COPS9: variants seen among roughly 807,000 people sequenced by gnomAD.
COPS9 encodes COP9 signalosome complex subunit 9.
In COPS9, 8 loss-of-function variants were observed where a neutral mutation model predicts 7.2. That is an observed-to-expected ratio of 1.11 (90% CI 0.65 to 2.00). COPS9 has a LOEUF of 2.00. Ranked by LOEUF, COPS9 falls within the 30% of genes most tolerant of loss-of-function variation. The probability of loss-of-function intolerance (pLI) is 0.00; values close to 1 mark genes in which losing one functional copy is unlikely to be tolerated. For synonymous variants in COPS9, 39 were observed against 28.7 expected, an observed-to-expected ratio of 1.36 and a Z score of -1.14; for missense variants, 74 against 77.7, an observed-to-expected ratio of 0.95 and a Z score of 0.18.
At chr2:240,126,550 A>G (rs1231328352), downstream of COPS9, 2 of 1,606,684 alleles carry the variant, frequency 1.2e-6, no homozygotes, top group Non-Finnish European at 1.7e-6. Flanking sequence ...GGAAACACAC[A>G]CCTCTCTGCA....
chr2:240,136,326 C>A, upstream of COPS9: 1 of 1,523,370 alleles, frequency 6.6e-7, no homozygotes. Flanking sequence ...GGCCTCAGAG[C>A]CGCTTCCGGC....
downstream of COPS9, among the ~76,000 whole-genome samples, chr2:240,129,038 T>C (rs1486259222): frequency 6.6e-6 from 1 of 152,130 alleles, no homozygotes; most frequent in Non-Finnish European, 1.5e-5. Context: ...CTAGAAGGGG[T>C]GTGCCCATCT....
At chr2:240,126,846 C>G, downstream of COPS9, 1 of 1,614,228 alleles carries the variant, frequency 6.2e-7, no homozygotes, top group Non-Finnish European at 8.5e-7. Flanking sequence ...TTCTCTGCAT[C>G]TGGTAAACAT....
chr2:240,126,647 T>C (rs779740152), downstream of COPS9: 7 of 1,614,218 alleles, frequency 4.3e-6, no homozygotes, highest in East Asian at 6.7e-5. Context: ...TCTTAAAACA[T>C]TTACCCCTCC....
chr2:240,134,186 CA>C, intron 1 of COPS9, 181 bp from the exon 2 acceptor site: 1 of 593,196 alleles, frequency 1.7e-6, no homozygotes, highest in South Asian at 2.1e-5. Flanking sequence ...GGGAGGAATT[CA>C]AAGGAATGAT....
At position 240,136,287 on chromosome 2, in the gene COPS9, CG is replaced by C; in HGVS notation, c.-4del. The C allele has an allele frequency of 6.4e-7, 1 of 1,563,854 alleles. No homozygotes were observed. Among genetic ancestry groups the C allele is most frequent in the Non-Finnish European group, 8.6e-7 (1 of 1,159,000 alleles). The stretch of plus-strand genomic sequence containing the variant: ...ATCTCGTCCACCGCCGGCTTCATCT[CG>C]GGGCCGCGGCGCTCTAGGCTCACTT... On this transcript the variant is annotated 5_prime_UTR_variant, in exon 1 of 3. Transcript: ENST00000607357.
In COPS9 at chr2:240,132,050, C is replaced by T. The variant is rs74682907; in HGVS notation, c.137-962G>A. On this transcript the variant is annotated intron_variant, in intron 2 of 2. Coordinates refer to ENST00000607357, the MANE Select transcript of COPS9 (RefSeq NM_001163424.2). This position sits in a 1 kb window ranked among gnomAD's most constrained non-coding sequence, Gnocchi z 4.1. ...GCTGGTTGTGGTTCGCCGCTAGGAGCACTTTTGCGCAGTCCTGGGCCTGGC... is the reference window on the plus strand; with the variant it reads ...GCTGGTTGTGGTTCGCCGCTAGGAGTACTTTTGCGCAGTCCTGGGCCTGGC... Among the ~76,000 whole-genome samples, 2,345 of 152,312 alleles carry T rather than the reference C, an allele frequency of 0.015. 41 individuals are homozygous for T. Among genetic ancestry groups the T allele is most frequent in the East Asian group, 0.087 (451 of 5,158 alleles).
chr2:240,131,088 T>C lies in COPS9; in HGVS notation c.137A>G (p.Asp46Gly). Reference protein sequence around the residue: ...EKAVHADFFNDFEDLFDDDDI... With the variant: ...EKAVHADFFNGFEDLFDDDDI... ...ATCATCATCAAAAAGATCTTCAAAA[T>C]CTAGGGAAATAAGCAAAACCACGTA... Residue 46 changes from aspartate (D) to glycine (G), a missense_variant and splice_region_variant, in exon 3 of 3, where the codon GAT becomes GGT. By Grantham distance (94) the Asp-to-Gly change is moderately conservative. Transcript: ENST00000607357. The C allele has an allele frequency of 6.2e-7, 1 of 1,612,476 alleles. No homozygotes were observed. Among genetic ancestry groups the C allele is most frequent in the South Asian group, 1.1e-5 (1 of 90,432 alleles).
At chr2:240,127,875 G>A (rs1415980863), downstream of COPS9, among the ~76,000 whole-genome samples, 3 of 152,076 alleles carry the variant, frequency 2.0e-5, no homozygotes, top group Non-Finnish European at 2.9e-5. Context: ...TCAGCCAGCT[G>A]AGCAACCCTC....
At chr2:240,135,626 A>G (rs1380895101) in intron 1 of COPS9, among the ~76,000 whole-genome samples, 2 of 152,118 alleles carry the variant, frequency 1.3e-5, no homozygotes, top group Non-Finnish European at 2.9e-5. Context: ...AAACCCCAAG[A>G]CGACTGTATA....
downstream of COPS9, among the ~76,000 whole-genome samples, chr2:240,128,247 GAGAA>G (rs1325230329): frequency 6.6e-5 from 10 of 152,330 alleles, no homozygotes; most frequent in South Asian, 1.0e-3. Context: ...AACCACGGTG[GAGAA>G]AGAAACTGTT....
intron 1 of COPS9, 71 bp from the exon 2 acceptor site, chr2:240,134,076 G>A: frequency 7.2e-7 from 1 of 1,394,850 alleles, no homozygotes; most frequent in Non-Finnish European, 1.0e-6. Context: ...GCATTGCAGG[G>A]CCACTACCCC....
At position 240,136,256 on chromosome 2, in the gene COPS9, G is replaced by C. The variant is rs1339393830; in HGVS notation, c.29C>G (p.Pro10Arg). Residue 10 changes from proline (P) to arginine (R), a missense_variant, in exon 1 of 3, where the codon CCC becomes CGC. By Grantham distance (103) the Pro-to-Arg change is moderately radical. Coordinates refer to ENST00000607357, the MANE Select transcript of COPS9 (RefSeq NM_001163424.2). MKPAVDEMF[P>R]EGAGPYVDLD... ...GTCCACGTAGGGCCCGGCGCCCTCG[G>C]GGAACATCTCGTCCACCGCCGGCTT... is the stretch of plus-strand genomic sequence containing the variant. The C allele has an allele frequency of 6.4e-7, 1 of 1,570,598 alleles. No individual in the cohort carries two copies. Among genetic ancestry groups the C allele is most frequent in the Non-Finnish European group, 8.6e-7 (1 of 1,162,034 alleles).
intron 2 of COPS9, 51 bp downstream of exon 2, chr2:240,133,882 A>G: frequency 2.5e-6 from 4 of 1,580,666 alleles, no homozygotes; most frequent in Non-Finnish European, 2.6e-6. Flanking sequence ...GCCTTCACCT[A>G]GAGAAGAAAT....
rs981798386 is a variant in COPS9 at position 240,130,991 on chromosome 2, G to A, written c.*60C>T. 20 of 1,598,008 alleles carry A rather than the reference G, an allele frequency of 1.3e-5. No individual in the cohort carries two copies. Among genetic ancestry groups the A allele is most frequent in the East Asian group, 2.2e-5 (1 of 44,674 alleles). ...TTAAAACCACCTGAAACTGTCCTGCGCAGGCTCACACTGCGGCTCTGTACC... is the reference window on the plus strand; with the variant it reads ...TTAAAACCACCTGAAACTGTCCTGCACAGGCTCACACTGCGGCTCTGTACC... On this transcript the variant is annotated 3_prime_UTR_variant, in exon 3 of 3. Coordinates refer to ENST00000607357, the MANE Select transcript of COPS9 (RefSeq NM_001163424.2).
intron 1 of COPS9, 58 bp downstream of exon 1, chr2:240,136,164 C>A: frequency 7.0e-7 from 1 of 1,432,840 alleles, no homozygotes; most frequent in East Asian, 2.9e-5. Flanking sequence ...GGACGCCGCC[C>A]TTCCGCTCCC....
At chr2:240,133,815 C>A (rs929619049) in intron 2 of COPS9, 118 bp downstream of exon 2, 8 of 976,916 alleles carry the variant, frequency 8.2e-6, no homozygotes, top group Admixed American at 3.9e-5. Flanking sequence ...CTGAGAGGAG[C>A]GCAGGGGCTC....
At chr2:240,126,702 C>T (rs1202841381), downstream of COPS9, 1 of 1,614,084 alleles carries the variant, frequency 6.2e-7, no homozygotes, top group African/African-American at 1.3e-5. Flanking sequence ...GACCTCTCGC[C>T]TGCTTCTTGT....
In COPS9 at chr2:240,132,042, G is replaced by A. The variant is rs373582972; in HGVS notation, c.137-954C>T. 3.9e-5 allele frequency among the ~76,000 whole-genome samples: 6 copies of A among 152,260 alleles called. No individual in the cohort carries two copies. The highest frequency in any genetic ancestry group is 4.1e-4 in the South Asian group (2 of 4,826). On this transcript the variant is annotated intron_variant, in intron 2 of 2. Coordinates refer to ENST00000607357, the MANE Select transcript of COPS9 (RefSeq NM_001163424.2). This position sits in a 1 kb window ranked among gnomAD's most constrained non-coding sequence, Gnocchi z 4.1. ...TCCCGACTGCTGGTTGTGGTTCGCC[G>A]CTAGGAGCACTTTTGCGCAGTCCTG...
Sources: gnomAD v4.1 joint callset for allele counts (sites outside exome capture counted in the v4.1 genomes callset) on GRCh38, gnomAD v4.1.1 for gene constraint, Gnocchi (gnomAD v3.1) non-coding constraint, MANE v1.5 for transcripts, NCBI Gene and HGNC (gene_info 2026-07-23, HGNC 2026-07-21) for gene names.